The following SPMIP7 variants were observed in gnomAD, a reference collection of about 807,000 sequenced individuals.
SPMIP7 encodes protein SPMIP7.
At chr7:50,128,544 T>C in the SPMIP7 span, among the ~76,000 whole-genome samples, 2 of 152,008 alleles carry the variant, frequency 1.3e-5, 1 homozygote, top group South Asian at 4.1e-4. Context: ...TTTTTACAGA[T>C]TATATGAATG....
chr7:50,148,821 G>A, the SPMIP7 span, among the ~76,000 whole-genome samples: 1,496 of 152,280 alleles, frequency 9.8e-3, 28 homozygotes, highest in African/African-American at 0.034. Context: ...AAGTCCCAGT[G>A]CTCAGGCTAC....
the SPMIP7 span, among the ~76,000 whole-genome samples, chr7:50,116,584 G>C: frequency 2.6e-5 from 4 of 152,138 alleles, no homozygotes; most frequent in Non-Finnish European, 4.4e-5. Flanking sequence ...AATGTATTGA[G>C]AGAAAATCTA....
the SPMIP7 span, among the ~76,000 whole-genome samples, chr7:50,157,015 T>C: frequency 6.6e-6 from 1 of 152,196 alleles, no homozygotes; most frequent in East Asian, 1.9e-4. Flanking sequence ...TCAAGTGACA[T>C]GCTCCTGCCT....
the SPMIP7 span, among the ~76,000 whole-genome samples, chr7:50,115,568 G>T: frequency 0.84 from 127,413 of 152,156 alleles, 53,388 homozygotes; most frequent in East Asian, 0.92. Context: ...AGATGTTCTC[G>T]GATTGCAACA....
At chr7:50,141,179 T>C in the SPMIP7 span, 2 of 732,888 alleles carry the variant, frequency 2.7e-6, no homozygotes, top group Non-Finnish European at 4.6e-6. Flanking sequence ...TTTGATCTAC[T>C]TTGGCAAATA....
the SPMIP7 span, among the ~76,000 whole-genome samples, chr7:50,114,823 A>G: frequency 6.6e-6 from 1 of 152,154 alleles, no homozygotes; most frequent in Non-Finnish European, 1.5e-5. Context: ...TGAGGTCAGG[A>G]GTTCAAGACC....
At chr7:50,096,416 ATGAGTCCTGGTGGTG>A in the SPMIP7 span, 1 of 1,551,772 alleles carries the variant, frequency 6.4e-7, no homozygotes, top group Non-Finnish European at 8.7e-7. Flanking sequence ...TTCAGGGTTT[ATGAGTCCTGGTGGTG>A]ATGCTGATTT....
chr7:50,120,409 A>T, the SPMIP7 span: 17 of 152,126 alleles, frequency 1.1e-4, no homozygotes, highest in African/African-American at 3.9e-4. Flanking sequence ...GAAGGGGGAT[A>T]AAAAAAGGTC....
At chr7:50,128,295 G>A in the SPMIP7 span, among the ~76,000 whole-genome samples, 2 of 151,948 alleles carry the variant, frequency 1.3e-5, no homozygotes, top group Non-Finnish European at 2.9e-5. Flanking sequence ...TAGATTGGTG[G>A]TTACCAGAGG....
chr7:50,107,694 G>A, the SPMIP7 span, among the ~76,000 whole-genome samples: 1,173 of 152,232 alleles, frequency 7.7e-3, 23 homozygotes, highest in African/African-American at 0.027. Flanking sequence ...CACAAGCTAA[G>A]ATACGATTTT....
At chr7:50,135,041 T>G in the SPMIP7 span, among the ~76,000 whole-genome samples, 7 of 152,198 alleles carry the variant, frequency 4.6e-5, no homozygotes, top group African/African-American at 1.7e-4. Context: ...GTCCTTTCTC[T>G]GCTGAGCTTC....
At chr7:50,135,835 G>A in the SPMIP7 span, among the ~76,000 whole-genome samples, 2 of 152,122 alleles carry the variant, frequency 1.3e-5, no homozygotes, top group African/African-American at 2.4e-5. Flanking sequence ...TTCCACATGG[G>A]TTTCGGTATG....
At chr7:50,132,600 T>C in the SPMIP7 span, among the ~76,000 whole-genome samples, 1 of 152,166 alleles carries the variant, frequency 6.6e-6, no homozygotes, top group East Asian at 1.9e-4. Flanking sequence ...AGGTATCTTT[T>C]AAGCTTTCAT....
At chr7:50,138,457 T>C in the SPMIP7 span, among the ~76,000 whole-genome samples, 1 of 152,230 alleles carries the variant, frequency 6.6e-6, no homozygotes, top group South Asian at 2.1e-4. Context: ...GAAAAACACA[T>C]GCCACTCCAG....
At chr7:50,128,104 A>C in the SPMIP7 span, among the ~76,000 whole-genome samples, 1 of 149,032 alleles carries the variant, frequency 6.7e-6, no homozygotes, top group Non-Finnish European at 1.5e-5. Flanking sequence ...AAAATGTGGT[A>C]TATATACACA....
the SPMIP7 span, among the ~76,000 whole-genome samples, chr7:50,124,283 C>A: frequency 6.6e-6 from 1 of 152,100 alleles, no homozygotes; most frequent in Admixed American, 6.6e-5. Context: ...CACAATTCCA[C>A]TGATCACCTT....
At chr7:50,108,642 C>T in the SPMIP7 span, among the ~76,000 whole-genome samples, 1 of 152,130 alleles carries the variant, frequency 6.6e-6, no homozygotes, top group African/African-American at 2.4e-5. Flanking sequence ...ACTATGATGA[C>T]TCCAGCTGAT....
chr7:50,096,204 A>G, the SPMIP7 span: 2 of 1,551,822 alleles, frequency 1.3e-6, no homozygotes, highest in South Asian at 1.2e-5. Flanking sequence ...AGAAAAATGA[A>G]CATGCCTTTT....
At chr7:50,127,472 G>A in the SPMIP7 span, among the ~76,000 whole-genome samples, 8 of 151,350 alleles carry the variant, frequency 5.3e-5, no homozygotes, top group African/African-American at 1.9e-4. Context: ...TCACAGAATG[G>A]GGAAAATATT....
Sources: allele counts gnomAD v4.1 joint callset (sites outside exome capture counted in the v4.1 genomes callset), GRCh38; gene constraint gnomAD v4.1.1; transcripts MANE v1.5; gene names NCBI Gene and HGNC (gene_info 2026-07-23, HGNC 2026-07-21).